SCN1A: variants seen among roughly 807,000 people sequenced by gnomAD.
SCN1A encodes sodium channel protein type 1 subunit alpha.
A neutral mutation model predicts 193.7 loss-of-function variants in SCN1A; 13 were observed. The ratio of observed to expected loss-of-function variants is 0.07; its 90% CI spans 0.04 to 0.11. The LOEUF (loss-of-function observed/expected upper bound fraction) is 0.11. SCN1A is among the 10% of genes least tolerant of loss of function. The pLI, the probability that SCN1A is intolerant of heterozygous loss-of-function variation, is 1.00. For missense variants in SCN1A, 1,432 were observed against 2,451.1 expected (o/e 0.58, Z 8.78); for synonymous variants, 781 against 843.6 (o/e 0.93, Z 1.29).
Position 166,008,909 on chromosome 2 carries a change from C to T in SCN1A, c.4002+810G>A, listed in dbSNP as rs555612695. 5.3e-5 allele frequency among the ~76,000 whole-genome samples: 8 copies of T among 149,918 alleles called. No homozygotes were observed. In the South Asian group the frequency reaches 6.3e-4, roughly 12 times the overall value. On this transcript the variant is annotated intron_variant, in intron 23 of 28. Transcript: ENST00000674923. ...ATATCTATAAACTAATGCTTCATGC[C>T]GTAAAAAAAGGCATGGAAAATAAGT...
upstream of SCN1A, among the ~76,000 whole-genome samples, chr2:166,130,477 C>T (rs1337642783): frequency 6.6e-6 from 1 of 152,208 alleles, no homozygotes; most frequent in Non-Finnish European, 1.5e-5. Flanking sequence ...CTTCTCTTGG[C>T]AGACCTTTCA....
intron 2 of SCN1A, among the ~76,000 whole-genome samples, chr2:166,105,814 A>G (rs534456846): frequency 1.3e-5 from 2 of 152,298 alleles, no homozygotes; most frequent in South Asian, 4.1e-4. Flanking sequence ...ACCCCTATAA[A>G]CTGAAGCATT....
At chr2:166,061,991 A>G (rs1344713702) in intron 4 of SCN1A, among the ~76,000 whole-genome samples, 1 of 152,198 alleles carries the variant, frequency 6.6e-6, no homozygotes, top group Non-Finnish European at 1.5e-5. Context: ...TGTGCAATGG[A>G]AAATACTTGC....
chr2:166,118,144 AAGAGAG>A (rs971680861), intron 2 of SCN1A, among the ~76,000 whole-genome samples: 16 of 148,330 alleles, frequency 1.1e-4, no homozygotes, highest in East Asian at 5.9e-4. Context: ...TGAAAAAAAA[AAGAGAG>A]AGAGAGAGAG....
chr2:166,079,511 A>G (rs1355119303), intron 2 of SCN1A, among the ~76,000 whole-genome samples: 2 of 149,554 alleles, frequency 1.3e-5, no homozygotes, highest in Non-Finnish European at 3.0e-5. Flanking sequence ...TAATATGTAT[A>G]TGTTTAGATA....
chr2:166,034,021 A>C (rs1695998811), intron 19 of SCN1A, among the ~76,000 whole-genome samples: 1 of 152,176 alleles, frequency 6.6e-6, no homozygotes, highest in African/African-American at 2.4e-5. Flanking sequence ...CTGATTCCTT[A>C]GGAAAACTCA....
intron 19 of SCN1A, among the ~76,000 whole-genome samples, chr2:166,025,120 C>T (rs1694587148): frequency 1.3e-5 from 2 of 151,964 alleles, no homozygotes; most frequent in Admixed American, 6.6e-5. Flanking sequence ...AACATACATT[C>T]ACCAACTCAC....
At chr2:166,133,005 T>C (rs2106289577), upstream of SCN1A, among the ~76,000 whole-genome samples, 1 of 152,306 alleles carries the variant, frequency 6.6e-6, no homozygotes, top group Non-Finnish European at 1.5e-5. Context: ...CCAATGTGCT[T>C]GTGGGCACAC....
At chr2:166,011,334 G>A (rs565979021) in intron 22 of SCN1A, among the ~76,000 whole-genome samples, 50 of 151,104 alleles carry the variant, frequency 3.3e-4, no homozygotes, top group Non-Finnish European at 6.4e-4. Context: ...TTCTAAAGCT[G>A]AAATTTTGCC....
intron 2 of SCN1A, among the ~76,000 whole-genome samples, chr2:166,110,401 C>T (rs1250302701): frequency 1.3e-5 from 2 of 152,142 alleles, no homozygotes; most frequent in East Asian, 1.9e-4. Context: ...AAAAGTGCTA[C>T]TCCAGTGAAC....
intron 19 of SCN1A, among the ~76,000 whole-genome samples, chr2:166,023,775 AATG>A (rs1574103981): frequency 6.6e-6 from 1 of 151,388 alleles, no homozygotes; most frequent in African/African-American, 2.4e-5. Flanking sequence ...AAGAAAAAAA[AATG>A]ATGTTTTTTT....
chr2:165,999,684 C>A lies in SCN1A; in HGVS notation c.4338+39G>T, dbSNP rs767786186. The stretch of plus-strand genomic sequence containing the variant: ...TATTCGATTAATTTTACCACCTGAT[C>A]AATATTGTAAAAAGACTTAGAATAC... On this transcript the variant is annotated intron_variant, in intron 25 of 28. Coordinates refer to ENST00000674923, the MANE Select transcript of SCN1A (RefSeq NM_001165963.4). 3.7e-6 allele frequency: 5 copies of A among 1,356,922 alleles called. No homozygotes were observed. The South Asian group carries it at 5.8e-5, about 16-fold the overall frequency. 84.1% of individuals were successfully genotyped at this position (1,356,922 alleles called of 1,614,324 possible). A position where few individuals can be genotyped will look rare whatever the true frequency, so the allele number is the denominator to read the frequency against.
intron 6 of SCN1A, among the ~76,000 whole-genome samples, chr2:166,055,659 G>A (rs1161467272): frequency 1.3e-5 from 2 of 151,940 alleles, no homozygotes; most frequent in African/African-American, 4.8e-5. Flanking sequence ...TAATACTTCT[G>A]TAGTTGCTAT....
intron 19 of SCN1A, among the ~76,000 whole-genome samples, chr2:166,020,755 A>G (rs1693953321): frequency 6.6e-6 from 1 of 152,232 alleles, no homozygotes. Flanking sequence ...TTACAAATAT[A>G]AATTTCTGAG....
At position 165,991,002 on chromosome 2, in the gene SCN1A, A is replaced by C; in HGVS notation, c.*243T>G. 4.0e-6 allele frequency: 2 copies of C among 497,584 alleles called. No homozygotes were observed. Among genetic ancestry groups the C allele is most frequent in the South Asian group, 4.9e-5 (2 of 40,608 alleles). The allele number at this position is 497,584 out of a possible 1,614,324, so 30.8% of individuals were successfully genotyped here. On this transcript the variant is annotated 3_prime_UTR_variant, in exon 29 of 29. Transcript: ENST00000674923. ...AGTCTGACTAGCCATTGTGCATCTTATCTTCAGCAGTGTCAGCTGGTAGTG... is the reference window on the plus strand; with the variant it reads ...AGTCTGACTAGCCATTGTGCATCTTCTCTTCAGCAGTGTCAGCTGGTAGTG...
At chr2:166,146,391 G>T (rs7564783) in intron 1 of SCN1A, among the ~76,000 whole-genome samples, 122,853 of 152,198 alleles carry the variant, frequency 0.81, 50,189 homozygotes, top group African/African-American at 0.94. Context: ...TGATATATTT[G>T]TTGTATTATT....
chr2:166,051,770 T>C lies in SCN1A; in HGVS notation c.913A>G (p.Ile305Val), dbSNP rs899245694. 6.2e-7 allele frequency: 1 copy of C among 1,610,240 alleles called. No homozygotes were observed. Among genetic ancestry groups the C allele is most frequent in the South Asian group, 1.1e-5 (1 of 90,954 alleles). The change falls in exon 9 of 29, where the codon ATA becomes GTA. Residue 305 changes from isoleucine to valine, a missense_variant. Ile to Val is a conservative substitution (Grantham distance 29). Transcript: ENST00000674923. ...NITVNYNGTLINETVFEFDWK... is the reference protein window; with the variant it reads ...NITVNYNGTLVNETVFEFDWK... The stretch of plus-strand genomic sequence containing the variant: ...TCAAACTCAAAGACAGTTTCATTTA[T>C]AAGTGTACCATTATAATTCACAGTT...
chr2:166,036,342 T>A lies in SCN1A; in HGVS notation c.3135A>T (p.Leu1045Phe). 6.2e-7 allele frequency: 1 copy of A among 1,609,686 alleles called. No individual in the cohort carries two copies. Residue 1045 changes from leucine to phenylalanine, a missense_variant, in exon 19 of 29, where the codon TTA becomes TTT. Coordinates refer to ENST00000674923, the MANE Select transcript of SCN1A (RefSeq NM_001165963.4). ...QQSFIRKQKI[L>F]DEIKPLDDLN... ...GATCATCAAGTGGTTTAATTTCATCTAAAATCTTTTGTTTCCTAATGAAGG... is the reference window on the plus strand; with the variant it reads ...GATCATCAAGTGGTTTAATTTCATCAAAAATCTTTTGTTTCCTAATGAAGG...
chr2:166,032,812 G>C (rs866132909), intron 19 of SCN1A, among the ~76,000 whole-genome samples: 2 of 152,232 alleles, frequency 1.3e-5, no homozygotes, highest in African/African-American at 4.8e-5. Flanking sequence ...GTGGTGTAAA[G>C]TGACAAGGTA....
Sources: gnomAD v4.1 joint callset for allele counts (sites outside exome capture counted in the v4.1 genomes callset) on GRCh38, gnomAD v4.1.1 for gene constraint, MANE v1.5 for transcripts, NCBI Gene and HGNC (gene_info 2026-07-23, HGNC 2026-07-21) for gene names.